Variants in ERBB4 observed in about 807,000 individuals in gnomAD.
ERBB4 encodes the protein erb-b2 receptor tyrosine kinase 4, also known as receptor tyrosine-protein kinase erbB-4.
Under a neutral mutation model 158.0 loss-of-function variants are expected in ERBB4, and 42 were observed. The observed-to-expected ratio is 0.27, with a 90% CI of 0.21 to 0.34. ERBB4 has a LOEUF of 0.34. Ranked by LOEUF, ERBB4 falls within the 10% of genes least tolerant of loss-of-function variation. The pLI, the probability that ERBB4 is intolerant of heterozygous loss-of-function variation, is 1.00. For missense variants in ERBB4, 1,333 were observed against 1,624.1 expected, an observed-to-expected ratio of 0.82 and a Z score of 3.08; for synonymous variants, 583 against 558.7, an observed-to-expected ratio of 1.04 and a Z score of -0.61.
chr2:212,375,712 A>G, intron 1 of ERBB4, among the ~76,000 whole-genome samples: 1 of 152,090 alleles, frequency 6.6e-6, no homozygotes, highest in Non-Finnish European at 1.5e-5. Context: ...TACTAACTTG[A>G]TATATCATGT....
At chr2:212,235,450 G>A (rs926101805) in intron 1 of ERBB4, among the ~76,000 whole-genome samples, 9 of 152,046 alleles carry the variant, frequency 5.9e-5, no homozygotes, top group Non-Finnish European at 1.3e-4. Flanking sequence ...TTGGCTATCC[G>A]GGCTCTTTTT....
chr2:212,393,101 C>T (rs1382304824), intron 1 of ERBB4, among the ~76,000 whole-genome samples: 5 of 152,002 alleles, frequency 3.3e-5, no homozygotes, highest in Non-Finnish European at 5.9e-5. Context: ...TTAAATATGC[C>T]TCTCTGCTCT....
intron 12 of ERBB4, among the ~76,000 whole-genome samples, chr2:211,679,617 A>G (rs1386113695): frequency 2.6e-5 from 4 of 152,228 alleles, no homozygotes. Context: ...AAAGAGGAAG[A>G]GAAAGAAAAA....
chr2:211,861,839 CAG>C (rs897929251), intron 3 of ERBB4, among the ~76,000 whole-genome samples: 1 of 152,072 alleles, frequency 6.6e-6, no homozygotes, highest in African/African-American at 2.4e-5. Context: ...AAAACTAAAA[CAG>C]AGGATTTGGA....
chr2:212,136,441 A>T (rs2080274328), intron 1 of ERBB4, among the ~76,000 whole-genome samples: 1 of 152,156 alleles, frequency 6.6e-6, no homozygotes, highest in Non-Finnish European at 1.5e-5. Context: ...TACTATTGTC[A>T]CCCCATGCTT....
intron 2 of ERBB4, among the ~76,000 whole-genome samples, chr2:212,025,029 T>C (rs551677994): frequency 1.3e-5 from 2 of 151,978 alleles, no homozygotes; most frequent in African/African-American, 2.4e-5. Context: ...ACATGTACCA[T>C]TAATGTAAGC....
chr2:212,037,574 A>T (rs959023631), intron 2 of ERBB4, among the ~76,000 whole-genome samples: 1 of 152,226 alleles, frequency 6.6e-6, no homozygotes, highest in African/African-American at 2.4e-5. Context: ...AAGTGGACAC[A>T]TTGGGTGTTC....
At chr2:212,180,963 G>A (rs1318116234) in intron 1 of ERBB4, among the ~76,000 whole-genome samples, 2 of 151,548 alleles carry the variant, frequency 1.3e-5, no homozygotes, top group Non-Finnish European at 3.0e-5. Context: ...TTTATTTTAT[G>A]ATCTAGAGTC....
chr2:212,224,254 A>G (rs1394391599), intron 1 of ERBB4, among the ~76,000 whole-genome samples: 1 of 151,870 alleles, frequency 6.6e-6, no homozygotes, highest in Non-Finnish European at 1.5e-5. Context: ...AAGACTTGTA[A>G]AATAAAGTTG....
intron 19 of ERBB4, among the ~76,000 whole-genome samples, chr2:211,602,578 C>A (rs1447251276): frequency 1.3e-5 from 2 of 152,042 alleles, no homozygotes; most frequent in Non-Finnish European, 2.9e-5. Context: ...TCAAGTTGAC[C>A]TTTCTTAGGT....
At chr2:212,228,455 A>C (rs2083550108) in intron 1 of ERBB4, among the ~76,000 whole-genome samples, 1 of 152,192 alleles carries the variant, frequency 6.6e-6, no homozygotes. Flanking sequence ...TTAAAATCAC[A>C]TATTTCCAAT....
chr2:211,516,091 T>A (rs1014571768), intron 20 of ERBB4, among the ~76,000 whole-genome samples: 2 of 149,716 alleles, frequency 1.3e-5, no homozygotes, highest in South Asian at 2.1e-4. Flanking sequence ...ATTTTTTGTA[T>A]TTTTTTAGTA....
rs117193389 is a variant in ERBB4, at chr2:212,467,693, G to A, written c.82+70756C>T. On this transcript the variant is annotated intron_variant, in intron 1 of 27. Coordinates refer to ENST00000342788, the MANE Select transcript of ERBB4 (RefSeq NM_005235.3). The stretch of plus-strand genomic sequence containing the variant: ...ACCTCTGCTAGGGCAATGCAGAAGG[G>A]AAATGTGGGGTGGAATCCTCCACAC... Among the ~76,000 whole-genome samples the A allele has an allele frequency of 5.4e-4, 82 of 152,344 alleles. No individual in the cohort carries two copies. In the East Asian group the frequency reaches 0.013, roughly 24 times the overall value.
At chr2:211,600,889 G>A (rs2068779655) in intron 19 of ERBB4, among the ~76,000 whole-genome samples, 1 of 152,096 alleles carries the variant, frequency 6.6e-6, no homozygotes, top group South Asian at 2.1e-4. Flanking sequence ...TCTGGAAAGA[G>A]AGAAATCTTT....
chr2:212,509,425 G>C (rs1209000796), intron 1 of ERBB4, among the ~76,000 whole-genome samples: 1 of 151,634 alleles, frequency 6.6e-6, no homozygotes, highest in African/African-American at 2.4e-5. Flanking sequence ...GTTATTATTG[G>C]GCAAATTTCA....
chr2:211,901,133 G>A (rs567023114), intron 3 of ERBB4, among the ~76,000 whole-genome samples: 98 of 152,136 alleles, frequency 6.4e-4, no homozygotes, highest in African/African-American at 2.1e-3. Context: ...GAGAGCATAG[G>A]CTTCTCTCAA....
intron 2 of ERBB4, among the ~76,000 whole-genome samples, chr2:212,087,493 G>A (rs554892953): frequency 6.6e-6 from 1 of 152,118 alleles, no homozygotes; most frequent in South Asian, 2.1e-4. Flanking sequence ...CACATAGTAA[G>A]TGCTTAACAA....
chr2:211,617,955 A>G (rs181247787), intron 19 of ERBB4, among the ~76,000 whole-genome samples: 2 of 152,236 alleles, frequency 1.3e-5, no homozygotes, highest in Admixed American at 6.5e-5. Context: ...GTGAAAAAAT[A>G]ACGGCATGAT....
intron 3 of ERBB4, among the ~76,000 whole-genome samples, chr2:211,895,178 G>T (rs1195215665): frequency 6.6e-6 from 1 of 152,116 alleles, no homozygotes; most frequent in Non-Finnish European, 1.5e-5. Context: ...TGGAAATGAT[G>T]TACACTGCTC....
Sources: gnomAD v4.1 joint callset for allele counts (sites outside exome capture counted in the v4.1 genomes callset) on GRCh38, gnomAD v4.1.1 for gene constraint, MANE v1.5 for transcripts, NCBI Gene and HGNC (gene_info 2026-07-23, HGNC 2026-07-21) for gene names.